KDM4C: variants seen among roughly 807,000 people sequenced by gnomAD.
KDM4C encodes lysine-specific demethylase 4C.
KDM4C carries 81 observed loss-of-function variants against 129.3 expected under a neutral mutation model. The observed-to-expected ratio is 0.63, with a 90% confidence interval of 0.52 to 0.75. The LOEUF is 0.75. Ranked by LOEUF, KDM4C falls within the 30% of genes least tolerant of loss-of-function variation. KDM4C has a pLI of 0.00. For synonymous variants in KDM4C, 573 were observed against 456.1 expected (o/e 1.26, Z -3.26); for missense variants, 1,457 against 1,304.0 (o/e 1.12, Z -1.81).
At chr9:6,986,897 T>A (rs977999456) in intron 11 of KDM4C, 14 of 434,684 alleles carry the variant, frequency 3.2e-5, no homozygotes, top group African/African-American at 2.2e-4. Context: ...GATGCTTGAT[T>A]TTCTTTTTTT....
chr9:6,781,272 G>T (rs1824282347), intron 1 of KDM4C, among the ~76,000 whole-genome samples: 2 of 152,122 alleles, frequency 1.3e-5, no homozygotes, highest in African/African-American at 4.8e-5. Context: ...CATGAACAAT[G>T]AACTAGTAAA....
At chr9:6,886,452 A>G (rs1439064183) in intron 6 of KDM4C, among the ~76,000 whole-genome samples, 1 of 150,754 alleles carries the variant, frequency 6.6e-6, no homozygotes, top group Non-Finnish European at 1.5e-5. Context: ...AGCTAGGACT[A>G]CAGGCACGCA....
intron 2 of KDM4C, among the ~76,000 whole-genome samples, chr9:6,801,396 G>T (rs1284864173): frequency 6.6e-6 from 1 of 151,500 alleles, no homozygotes; most frequent in Non-Finnish European, 1.5e-5. Flanking sequence ...ACCATGCCCG[G>T]CTAATTTTCT....
intron 3 of KDM4C, 32 bp from the exon 4 acceptor site, chr9:6,814,599 G>C (rs1831739242): frequency 7.3e-7 from 1 of 1,368,966 alleles, no homozygotes; most frequent in Non-Finnish European, 1.0e-6. Context: ...TGACTTACTG[G>C]TTTGTACATT....
At chr9:6,822,219 C>T (rs969972364) in intron 4 of KDM4C, among the ~76,000 whole-genome samples, 2 of 152,150 alleles carry the variant, frequency 1.3e-5, no homozygotes, top group African/African-American at 2.4e-5. Context: ...TATATTTGTG[C>T]ACTACCGTGG....
At chr9:6,831,777 A>G (rs1360815514) in intron 4 of KDM4C, among the ~76,000 whole-genome samples, 3 of 152,162 alleles carry the variant, frequency 2.0e-5, no homozygotes, top group Non-Finnish European at 4.4e-5. Context: ...TAGTCCTTCA[A>G]AGCTCTATTC....
rs1842268803 is a variant in KDM4C at position 6,867,763 on chromosome 9, AC to A, written c.630-12248del. 2.0e-5 allele frequency among the ~76,000 whole-genome samples: 3 copies of A among 152,334 alleles called. No homozygotes were observed. The East Asian group carries it at 5.8e-4, about 29-fold the overall frequency. On this transcript the variant is annotated intron_variant, in intron 5 of 21. Coordinates refer to ENST00000381309, the MANE Select transcript of KDM4C (RefSeq NM_015061.6). ...TGTCAATAATACCATGAACATGTGA[AC>A]TTGACAGAATGGCTTCTACTTATGA...
chr9:7,091,605 AC>A (rs1461874027), intron 17 of KDM4C, among the ~76,000 whole-genome samples: 1 of 152,248 alleles, frequency 6.6e-6, no homozygotes, highest in African/African-American at 2.4e-5. Context: ...AAACATGGCT[AC>A]AAGAACAAAA....
chr9:7,096,328 C>T (rs748090386), intron 17 of KDM4C, among the ~76,000 whole-genome samples: 2 of 152,042 alleles, frequency 1.3e-5, no homozygotes, highest in African/African-American at 4.8e-5. Flanking sequence ...TTTATGTGTG[C>T]GTTTTCTGCA....
intron 1 of KDM4C, chr9:6,748,910 G>A (rs1326441555): frequency 2.1e-6 from 2 of 945,068 alleles, no homozygotes; most frequent in East Asian, 4.8e-5. Flanking sequence ...TATTTTGTAA[G>A]TATCTGAAGA....
At chr9:6,860,593 A>G (rs1405727309) in intron 5 of KDM4C, among the ~76,000 whole-genome samples, 8 of 152,194 alleles carry the variant, frequency 5.3e-5, no homozygotes, top group Non-Finnish European at 1.2e-4. Context: ...AAACCTTCAC[A>G]TATGCCTGCA....
upstream of KDM4C, among the ~76,000 whole-genome samples, chr9:6,752,809 TAATC>T (rs1818116906): frequency 6.6e-6 from 1 of 152,218 alleles, no homozygotes; most frequent in South Asian, 2.1e-4. Context: ...TTTCCTATTA[TAATC>T]AGAGACTTTA....
intron 1 of KDM4C, among the ~76,000 whole-genome samples, chr9:6,723,314 G>A: frequency 6.6e-6 from 1 of 152,108 alleles, no homozygotes; most frequent in South Asian, 2.1e-4. Flanking sequence ...GGCGGAGGTT[G>A]CAGTGAGACG....
chr9:6,904,644 A>G (rs754667587), intron 8 of KDM4C, among the ~76,000 whole-genome samples: 1 of 152,220 alleles, frequency 6.6e-6, no homozygotes, highest in African/African-American at 2.4e-5. Context: ...CACTACAGTT[A>G]ATACTGGAAG....
intron 4 of KDM4C, among the ~76,000 whole-genome samples, chr9:6,829,931 G>A (rs115467612): frequency 6.6e-6 from 1 of 151,964 alleles, no homozygotes; most frequent in Non-Finnish European, 1.5e-5. Context: ...AAAAGCCTGT[G>A]TTTTTTTTCT....
intron 8 of KDM4C, among the ~76,000 whole-genome samples, chr9:6,900,737 A>T (rs1351356290): frequency 1.3e-5 from 2 of 152,166 alleles, no homozygotes; most frequent in Non-Finnish European, 1.5e-5. Context: ...ACCGTCGTTA[A>T]CTCTGAGGCT....
At chr9:6,826,900 A>T (rs545089347) in intron 4 of KDM4C, among the ~76,000 whole-genome samples, 87 of 151,812 alleles carry the variant, frequency 5.7e-4, no homozygotes, top group Non-Finnish European at 1.8e-4. Context: ...TCTTATTTTT[A>T]TTGTTTTTAT....
chr9:6,794,914 A>T (rs940140745), intron 2 of KDM4C, among the ~76,000 whole-genome samples: 1 of 152,190 alleles, frequency 6.6e-6, no homozygotes, highest in Admixed American at 6.5e-5. Flanking sequence ...CCAACTTGAG[A>T]TGGTTTGTGT....
chr9:6,862,864 T>C (rs932643070), intron 5 of KDM4C, among the ~76,000 whole-genome samples: 1 of 151,828 alleles, frequency 6.6e-6, no homozygotes, highest in African/African-American at 2.4e-5. Context: ...AATTCAATCA[T>C]AGGAAATCTT....
Sources: gnomAD v4.1 joint callset for allele counts (sites outside exome capture counted in the v4.1 genomes callset) on GRCh38, gnomAD v4.1.1 for gene constraint, MANE v1.5 for transcripts, NCBI Gene and HGNC (gene_info 2026-07-23, HGNC 2026-07-21) for gene names.